Variants in ZBTB38 observed in about 807,000 individuals in gnomAD.
ZBTB38 encodes the protein zinc finger and BTB domain-containing protein 38.
A neutral mutation model predicts 76.8 loss-of-function variants in ZBTB38; 20 were observed. The ratio of observed to expected loss-of-function variants is 0.26; its 90% CI spans 0.18 to 0.38. ZBTB38 has a LOEUF of 0.38. ZBTB38 is among the 10% of genes least tolerant of loss of function. The probability of loss-of-function intolerance (pLI) is 1.00; values close to 1 mark genes in which losing one functional copy is unlikely to be tolerated. For missense variants in ZBTB38, 1,082 were observed against 1,482.3 expected, an observed-to-expected ratio of 0.73 and a Z score of 4.43; for synonymous variants, 504 against 544.2, an observed-to-expected ratio of 0.93 and a Z score of 1.03.
chr3:141,421,426 G>A (rs970217297), intron 5 of ZBTB38, among the ~76,000 whole-genome samples: 4 of 151,898 alleles, frequency 2.6e-5, no homozygotes, highest in Non-Finnish European at 4.4e-5. Flanking sequence ...CACACCCACC[G>A]GGGAGTCTAG....
At chr3:141,331,770 C>A (rs927263917) in intron 1 of ZBTB38, among the ~76,000 whole-genome samples, 11 of 151,798 alleles carry the variant, frequency 7.2e-5, no homozygotes, top group Non-Finnish European at 1.3e-4. Flanking sequence ...GAGGAAAGAT[C>A]TGAGAAGCGC....
intron 2 of ZBTB38, among the ~76,000 whole-genome samples, chr3:141,371,906 C>T (rs1050877740): frequency 1.3e-5 from 2 of 152,104 alleles, no homozygotes; most frequent in Non-Finnish European, 2.9e-5. Context: ...CCTTGTGATG[C>T]CCCAGACTTA....
chr3:141,396,984 CAACTT>C (rs1950486802), intron 4 of ZBTB38, among the ~76,000 whole-genome samples: 1 of 152,210 alleles, frequency 6.6e-6, no homozygotes, highest in African/African-American at 2.4e-5. Context: ...GCACTGGCTT[CAACTT>C]AAAGTCACCA....
intron 4 of ZBTB38, among the ~76,000 whole-genome samples, chr3:141,395,216 C>G (rs1950071274): frequency 6.6e-6 from 1 of 152,158 alleles, no homozygotes. Context: ...GTAGCTTAGG[C>G]AGGAACAAGG....
rs2080951666 is a variant in ZBTB38, at chr3:141,445,235, C to T, written c.2847C>T (p.Ser949=). The T allele has an allele frequency of 6.2e-7, 1 of 1,614,132 alleles. No homozygotes were observed. The highest frequency in any genetic ancestry group is 8.5e-7 in the Non-Finnish European group (1 of 1,180,008). The part of the protein sequence containing the change: ...WRKEHGNRSP[S]HKCKYPAELD... ...AGGAGCACGGAAACAGGAGCCCGAG[C>T]CATAAATGTAAATACCCAGCAGAAC... is the stretch of plus-strand genomic sequence containing the variant. The change falls in exon 6 of 6, where the codon AGC becomes AGT. Residue 949 remains serine (S), a synonymous_variant. Transcript: ENST00000321464. This position sits in a 1 kb window ranked among gnomAD's most constrained non-coding sequence, Gnocchi z 6.5.
At chr3:141,391,758 G>A (rs1362488334) in intron 4 of ZBTB38, among the ~76,000 whole-genome samples, 1 of 152,116 alleles carries the variant, frequency 6.6e-6, no homozygotes, top group East Asian at 1.9e-4. Flanking sequence ...TTTTTCAAAG[G>A]CAAAATGGTG....
At chr3:141,359,346 C>A (rs9857275) in intron 1 of ZBTB38, among the ~76,000 whole-genome samples, 40,737 of 152,120 alleles carry the variant, frequency 0.27, 5,972 homozygotes, top group Non-Finnish European at 0.31. Context: ...AAGAAACTTC[C>A]CTTCATGTGC....
At chr3:141,431,341 A>AAATAT in intron 5 of ZBTB38, among the ~76,000 whole-genome samples, 6 of 103,284 alleles carry the variant, frequency 5.8e-5, no homozygotes, top group African/African-American at 3.0e-4. Flanking sequence ...AAAAAAAAAA[A>AAATAT]ATATATATAT....
chr3:141,356,108 G>A (rs927015399), intron 1 of ZBTB38, among the ~76,000 whole-genome samples: 3 of 152,090 alleles, frequency 2.0e-5, no homozygotes, highest in South Asian at 2.1e-4. Context: ...GTGGCCAAGT[G>A]CATTAACAAA....
chr3:141,386,663 G>C (rs888087190), intron 3 of ZBTB38: 14 of 152,620 alleles, frequency 9.2e-5, no homozygotes, highest in Admixed American at 5.9e-4. Context: ...ATATGAGAGT[G>C]TTCTTTCCAG....
rs554745293 is a variant in ZBTB38 at position 141,429,608 on chromosome 3, C to T, written c.1-12781C>T. Among the ~76,000 whole-genome samples, 16 of 152,208 alleles carry T rather than the reference C, an allele frequency of 1.1e-4. No individual in the cohort carries two copies. In the East Asian group the frequency reaches 2.9e-3, roughly 28 times the overall value. ...GCTCCTCCTGGAGCTTACTTTCTGGCGGGCAGAGTGGACAGTAAACAAGCA... is the reference window on the plus strand; with the variant it reads ...GCTCCTCCTGGAGCTTACTTTCTGGTGGGCAGAGTGGACAGTAAACAAGCA... On this transcript the variant is annotated intron_variant, in intron 5 of 5. Transcript: ENST00000321464.
chr3:141,442,855 C>T lies in ZBTB38; in HGVS notation c.467C>T (p.Pro156Leu). ...EEKNEKRHEEPAITNGPRITN... is the reference protein window; with the variant it reads ...EEKNEKRHEELAITNGPRITN... ...AAAAATGAAAAAAGGCATGAAGAACCAGCCATCACTAATGGGCCAAGGATC... is the reference window on the plus strand; with the variant it reads ...AAAAATGAAAAAAGGCATGAAGAACTAGCCATCACTAATGGGCCAAGGATC... The change falls in exon 6 of 6, where the codon CCA becomes CTA. Residue 156 changes from proline (P) to leucine (L), a missense_variant. Transcript: ENST00000321464. This position sits in a 1 kb window ranked among gnomAD's most constrained non-coding sequence, Gnocchi z 6.4. The T allele has an allele frequency of 1.9e-6, 3 of 1,614,174 alleles. No homozygotes were observed. The highest frequency in any genetic ancestry group is 2.5e-6 in the Non-Finnish European group (3 of 1,180,038).
intron 1 of ZBTB38, among the ~76,000 whole-genome samples, chr3:141,329,279 C>T (rs1271829510): frequency 6.6e-6 from 1 of 152,208 alleles, no homozygotes; most frequent in Non-Finnish European, 1.5e-5. Flanking sequence ...CTGTGTTCCT[C>T]CCATCCTTCA....
chr3:141,381,970 T>C (rs1946257190), intron 3 of ZBTB38, among the ~76,000 whole-genome samples: 1 of 152,250 alleles, frequency 6.6e-6, no homozygotes, highest in South Asian at 2.1e-4. Flanking sequence ...GTAAATTTGG[T>C]TGAGGAAAAT....
At chr3:141,401,677 AT>A (rs1259529524) in intron 4 of ZBTB38, among the ~76,000 whole-genome samples, 1 of 150,864 alleles carries the variant, frequency 6.6e-6, no homozygotes, top group African/African-American at 2.4e-5. Flanking sequence ...AACATGGACG[AT>A]TTAAAAAAAA....
At chr3:141,326,013 T>C (rs770426481) in intron 1 of ZBTB38, among the ~76,000 whole-genome samples, 9 of 152,218 alleles carry the variant, frequency 5.9e-5, no homozygotes, top group Non-Finnish European at 1.3e-4. Context: ...AACATGTTTT[T>C]TCTTTAATTA....
At chr3:141,330,296 G>T (rs993048021) in intron 1 of ZBTB38, among the ~76,000 whole-genome samples, 1 of 152,210 alleles carries the variant, frequency 6.6e-6, no homozygotes, top group Non-Finnish European at 1.5e-5. Flanking sequence ...CTGACTAAGG[G>T]TACCATGGAA....
At position 141,444,700 on chromosome 3, in the gene ZBTB38, C is replaced by G. The variant is rs2080856741; in HGVS notation, c.2312C>G (p.Pro771Arg). Residue 771 changes from proline (P) to arginine (R), a missense_variant, in exon 6 of 6, where the codon CCC becomes CGC. Around this residue, in one of 8 missense-constraint regions of ZBTB38, gnomAD observed 471 missense variants for 581.0 expected, o/e 0.81. Coordinates refer to ENST00000321464, the MANE Select transcript of ZBTB38 (RefSeq NM_001376113.1). This position sits in a 1 kb window ranked among gnomAD's most constrained non-coding sequence, Gnocchi z 5.1. ...AAAGTGGGTAGGTTTGCAAGCAGACCCAAAAGCATTAAGGAGAAAAAGAAA... is the reference window on the plus strand; with the variant it reads ...AAAGTGGGTAGGTTTGCAAGCAGACGCAAAAGCATTAAGGAGAAAAAGAAA... Reference protein sequence around the residue: ...PDKVGRFASRPKSIKEKKKTT... With the variant: ...PDKVGRFASRRKSIKEKKKTT... The G allele has an allele frequency of 6.2e-7, 1 of 1,613,656 alleles. No homozygotes were observed. Among genetic ancestry groups the G allele is most frequent in the African/African-American group, 1.3e-5 (1 of 74,748 alleles).
intron 4 of ZBTB38, among the ~76,000 whole-genome samples, chr3:141,392,298 AC>A (rs2149360972): frequency 6.6e-6 from 1 of 152,164 alleles, no homozygotes; most frequent in Non-Finnish European, 1.5e-5. Context: ...GGGGAAGGGG[AC>A]TGCAACAATT....
Sources: allele counts gnomAD v4.1 joint callset (sites outside exome capture counted in the v4.1 genomes callset), GRCh38; gene constraint gnomAD v4.1.1; regional missense constraint gnomAD v4.1.1; non-coding constraint Gnocchi (gnomAD v3.1); transcripts MANE v1.5; gene names NCBI Gene and HGNC (gene_info 2026-07-23, HGNC 2026-07-21).